TNS1: variants seen among roughly 807,000 people sequenced by gnomAD.
The protein encoded by TNS1 is tensin-1.
Under a neutral mutation model 168.6 loss-of-function variants are expected in TNS1, and 62 were observed. The observed-to-expected ratio is 0.37, with a 90% confidence interval of 0.30 to 0.45. TNS1 has a LOEUF of 0.45. Ranked by LOEUF, TNS1 falls within the 20% of genes least tolerant of loss-of-function variation. The pLI is 1.00. For synonymous variants in TNS1, 934 were observed against 933.2 expected (o/e 1.00, Z -0.02); for missense variants, 2,240 against 2,339.4 (o/e 0.96, Z 0.88).
chr2:217,972,605 C>T (rs1262164536), intron 3 of TNS1, among the ~76,000 whole-genome samples: 2 of 152,196 alleles, frequency 1.3e-5, no homozygotes, highest in East Asian at 1.9e-4. Flanking sequence ...AAAGAGGTAA[C>T]AGAGAGCTAA....
intron 1 of TNS1, among the ~76,000 whole-genome samples, chr2:218,031,500 CTG>C (rs1174463764): frequency 1.3e-5 from 2 of 148,834 alleles, no homozygotes; most frequent in East Asian, 2.0e-4. Flanking sequence ...GTGAGCAAGT[CTG>C]TGTGTATGAG....
intron 3 of TNS1, among the ~76,000 whole-genome samples, chr2:217,933,686 A>G (rs553738491): frequency 2.6e-5 from 4 of 152,100 alleles, no homozygotes; most frequent in Admixed American, 6.5e-5. Context: ...AGCTCCTTTC[A>G]AAGTGCCCAC....
chr2:217,867,474 T>C (rs1949379549), intron 18 of TNS1, among the ~76,000 whole-genome samples: 1 of 152,224 alleles, frequency 6.6e-6, no homozygotes, highest in Non-Finnish European at 1.5e-5. Context: ...AACCTAGTTA[T>C]TAAAACATAG....
chr2:217,922,384 G>C (rs925855150), intron 3 of TNS1, among the ~76,000 whole-genome samples: 11 of 152,128 alleles, frequency 7.2e-5, no homozygotes, highest in Non-Finnish European at 1.0e-4. Context: ...CAGTCCTGGG[G>C]GAGGGAGTAC....
intron 19 of TNS1, among the ~76,000 whole-genome samples, chr2:217,843,756 C>T (rs1290343539): frequency 3.3e-5 from 5 of 152,132 alleles, no homozygotes; most frequent in Admixed American, 2.0e-4. Context: ...TGCCACCACC[C>T]GAACACTCAC....
At chr2:217,949,947 G>T (rs1202906716) in intron 3 of TNS1, among the ~76,000 whole-genome samples, 1 of 152,140 alleles carries the variant, frequency 6.6e-6, no homozygotes, top group Non-Finnish European at 1.5e-5. Flanking sequence ...ATTGAAAACA[G>T]AAATTCAGTT....
chr2:217,837,577 G>T (rs1945346147), intron 19 of TNS1, among the ~76,000 whole-genome samples: 1 of 152,246 alleles, frequency 6.6e-6, no homozygotes, highest in African/African-American at 2.4e-5. Flanking sequence ...ACTGGCATTT[G>T]CACATTAAAT....
At chr2:217,907,054 C>T (rs767406859) in intron 5 of TNS1, among the ~76,000 whole-genome samples, 156 bp downstream of exon 5, 18 of 152,160 alleles carry the variant, frequency 1.2e-4, no homozygotes, top group East Asian at 7.7e-4. Context: ...AGTCAGCAGC[C>T]GCCCCACTAC....
chr2:217,921,156 T>C (rs1406705534), intron 3 of TNS1, among the ~76,000 whole-genome samples: 5 of 152,190 alleles, frequency 3.3e-5, no homozygotes, highest in Non-Finnish European at 5.9e-5. Flanking sequence ...TATCAGAGAC[T>C]GAATGTGCTC....
intron 1 of TNS1, among the ~76,000 whole-genome samples, chr2:218,016,682 G>C (rs1431973883): frequency 6.6e-6 from 1 of 152,248 alleles, no homozygotes; most frequent in Non-Finnish European, 1.5e-5. Context: ...CCAAGACTCA[G>C]ATGAGGACAG....
At chr2:217,840,007 C>A (rs1039041314) in intron 19 of TNS1, among the ~76,000 whole-genome samples, 1 of 152,202 alleles carries the variant, frequency 6.6e-6, no homozygotes, top group Non-Finnish European at 1.5e-5. Context: ...GAACACTACA[C>A]TCCCCACCAC....
intron 15 of TNS1, 71 bp from the exon 16 acceptor site, chr2:217,885,235 AT>A (rs1218506740): frequency 6.3e-7 from 1 of 1,598,370 alleles, no homozygotes; most frequent in African/African-American, 1.3e-5. Flanking sequence ...GAGCCTCCTT[AT>A]CAGCTCCGCT....
chr2:217,949,630 A>G (rs1031147866), intron 3 of TNS1, among the ~76,000 whole-genome samples: 1 of 152,228 alleles, frequency 6.6e-6, no homozygotes, highest in African/African-American at 2.4e-5. Flanking sequence ...ATCAATGTCA[A>G]CTTCCTGACT....
At chr2:217,805,788 C>T (rs1418297306) in intron 32 of TNS1, among the ~76,000 whole-genome samples, 1 of 151,008 alleles carries the variant, frequency 6.6e-6, no homozygotes, top group African/African-American at 2.4e-5. Context: ...ACATACACCA[C>T]ACACACACAA....
chr2:217,842,285 C>G, intron 19 of TNS1: 2 of 560,354 alleles, frequency 3.6e-6, no homozygotes, highest in South Asian at 4.8e-5. Flanking sequence ...ACTCATTTAT[C>G]CAACCACTGC....
rs368120766 is a variant in TNS1 at position 217,983,744 on chromosome 2, G to A, written c.149-4942C>T. On this transcript the variant is annotated intron_variant, in intron 2 of 32. Coordinates refer to ENST00000682258, the MANE Select transcript of TNS1 (RefSeq NM_001387777.1). ...TCCGGCTTCAGCTCCTTCCATGGCC[G>A]GCACAGAGGCACAGGCCTGGCCACC... 8.5e-5 allele frequency among the ~76,000 whole-genome samples: 13 copies of A among 152,276 alleles called. No homozygotes were observed. The East Asian group carries it at 9.7e-4, about 11-fold the overall frequency.
chr2:217,952,243 C>A lies in TNS1; in HGVS notation c.186+26522G>T, dbSNP rs377387713. Among the ~76,000 whole-genome samples the A allele has an allele frequency of 2.6e-5, 4 of 152,364 alleles. No individual in the cohort carries two copies. In the East Asian group the frequency reaches 5.8e-4, roughly 22 times the overall value. On this transcript the variant is annotated intron_variant, in intron 3 of 32. Transcript: ENST00000682258. ...TCACTCATTCCCTCCTCTCCCCATA[C>A]CTGGGAGTAGATGTTATTCTAACCC...
chr2:217,814,303 A>ATAGGTGGCACCAGGTG lies in TNS1; in HGVS notation c.4730-488_4730-487insCACCTGGTGCCACCTA, dbSNP rs1174511010. On this transcript the variant is annotated intron_variant, in intron 25 of 32. Coordinates refer to ENST00000682258, the MANE Select transcript of TNS1 (RefSeq NM_001387777.1). ...AGTGCTGGGATTATAGGTGTGCACC[A>ATAGGTGGCACCAGGTG]CCACACCTGGCTGGCAAACTTACTC... Among the ~76,000 whole-genome samples, 1,219 of 152,168 alleles carry ATAGGTGGCACCAGGTG rather than the reference A, an allele frequency of 8.0e-3. 15 individuals are homozygous for ATAGGTGGCACCAGGTG. The highest frequency in any genetic ancestry group is 0.028 in the African/African-American group (1,159 of 41,500).
At chr2:217,819,103 G>A (rs1942413158) in intron 23 of TNS1, among the ~76,000 whole-genome samples, 1 of 152,206 alleles carries the variant, frequency 6.6e-6, no homozygotes, top group Non-Finnish European at 1.5e-5. Context: ...AACTGGAGGT[G>A]GCTGTCATGT....
Sources: gnomAD v4.1 joint callset for allele counts (sites outside exome capture counted in the v4.1 genomes callset) on GRCh38, gnomAD v4.1.1 for gene constraint, MANE v1.5 for transcripts, NCBI Gene and HGNC (gene_info 2026-07-23, HGNC 2026-07-21) for gene names.